SUCLG2: variants seen among roughly 807,000 people sequenced by gnomAD.
SUCLG2 encodes the protein succinate-CoA ligase GDP-forming subunit beta, also known as succinate--CoA ligase [GDP-forming] subunit beta, mitochondrial.
A neutral mutation model predicts 47.9 loss-of-function variants in SUCLG2; 42 were observed. The ratio of observed to expected loss-of-function variants is 0.88; its 90% CI spans 0.69 to 1.14. The LOEUF is 1.14. Ranked by LOEUF, SUCLG2 falls within the 50% of genes most tolerant of loss-of-function variation. The pLI, the probability that SUCLG2 is intolerant of heterozygous loss-of-function variation, is 0.00. For synonymous variants in SUCLG2, 195 were observed against 197.3 expected (o/e 0.99, Z 0.10); for missense variants, 571 against 525.9 (o/e 1.09, Z -0.84).
intron 10 of SUCLG2, among the ~76,000 whole-genome samples, chr3:67,379,523 G>A (rs550594138): frequency 6.6e-6 from 1 of 152,234 alleles, no homozygotes; most frequent in Admixed American, 6.5e-5. Flanking sequence ...TTAATTTTTT[G>A]AGATAACTTT....
intron 9 of SUCLG2, among the ~76,000 whole-genome samples, chr3:67,420,579 C>G (rs541705223): frequency 6.6e-5 from 10 of 152,284 alleles, no homozygotes; most frequent in African/African-American, 2.4e-4. Flanking sequence ...AAACTATGTT[C>G]TTTCTCTGTT....
At chr3:67,381,553 T>A (rs1033782540) in intron 10 of SUCLG2, among the ~76,000 whole-genome samples, 18 of 152,204 alleles carry the variant, frequency 1.2e-4, no homozygotes, top group African/African-American at 3.6e-4. Flanking sequence ...GCTACTGACA[T>A]GTTCTAATAT....
intron 9 of SUCLG2, among the ~76,000 whole-genome samples, chr3:67,489,594 A>T (rs1377977671): frequency 6.6e-6 from 1 of 152,246 alleles, no homozygotes; most frequent in African/African-American, 2.4e-5. Flanking sequence ...GTCATTTCAA[A>T]AATAATGCTT....
At chr3:67,428,975 T>C (rs939691707) in intron 9 of SUCLG2, among the ~76,000 whole-genome samples, 3 of 152,156 alleles carry the variant, frequency 2.0e-5, no homozygotes, top group Non-Finnish European at 4.4e-5. Context: ...CTATGTCTGA[T>C]TGGTGTACCT....
intron 10 of SUCLG2, among the ~76,000 whole-genome samples, chr3:67,382,169 T>C (rs189405426): frequency 1.3e-5 from 2 of 152,226 alleles, no homozygotes; most frequent in South Asian, 4.1e-4. Flanking sequence ...GTTTGTTGGA[T>C]ACATGAGTTA....
At chr3:67,365,429 A>T (rs1701861234) in intron 10 of SUCLG2, among the ~76,000 whole-genome samples, 1 of 152,252 alleles carries the variant, frequency 6.6e-6, no homozygotes, top group African/African-American at 2.4e-5. Context: ...CTCAGAGACC[A>T]TCAGTGATGC....
chr3:67,593,574 A>G (rs1190006669), intron 2 of SUCLG2, among the ~76,000 whole-genome samples: 1 of 152,176 alleles, frequency 6.6e-6, no homozygotes, highest in Non-Finnish European at 1.5e-5. Context: ...CATTCACACC[A>G]CCATCTTCTC....
At chr3:67,457,908 T>C (rs1704230872) in intron 9 of SUCLG2, among the ~76,000 whole-genome samples, 1 of 152,154 alleles carries the variant, frequency 6.6e-6, no homozygotes, top group Admixed American at 6.5e-5. Context: ...GGATCCTGGC[T>C]GAGTCTGTGA....
At chr3:67,649,964 T>C (rs1164778127) in intron 1 of SUCLG2, among the ~76,000 whole-genome samples, 1 of 152,192 alleles carries the variant, frequency 6.6e-6, no homozygotes, top group Non-Finnish European at 1.5e-5. Flanking sequence ...ACTGTGGGTC[T>C]GTGCACTCAA....
chr3:67,478,478 A>G (rs1302817409), intron 9 of SUCLG2, among the ~76,000 whole-genome samples: 1 of 152,258 alleles, frequency 6.6e-6, no homozygotes, highest in Non-Finnish European at 1.5e-5. Context: ...GGATAATTGA[A>G]TATTAAACAA....
intron 9 of SUCLG2, among the ~76,000 whole-genome samples, chr3:67,414,358 G>C (rs901707254): frequency 6.6e-6 from 1 of 152,220 alleles, no homozygotes; most frequent in Admixed American, 6.5e-5. Flanking sequence ...TGTTTTTATA[G>C]ATGTATCGAG....
intron 10 of SUCLG2, among the ~76,000 whole-genome samples, chr3:67,367,685 T>C (rs1299718122): frequency 6.6e-6 from 1 of 152,194 alleles, no homozygotes; most frequent in Non-Finnish European, 1.5e-5. Context: ...GTCTCCAGTT[T>C]CAACAAAGAG....
chr3:67,578,381 G>A (rs1488076407), intron 2 of SUCLG2, among the ~76,000 whole-genome samples: 3 of 151,520 alleles, frequency 2.0e-5, no homozygotes, highest in African/African-American at 7.3e-5. Context: ...GTAAGCTGGT[G>A]CCTGCTGGAA....
chr3:67,432,249 T>C (rs1703502959), intron 9 of SUCLG2, among the ~76,000 whole-genome samples: 1 of 152,214 alleles, frequency 6.6e-6, no homozygotes, highest in Non-Finnish European at 1.5e-5. Flanking sequence ...TTTATTAAAC[T>C]TGTTTCAGTA....
At chr3:67,399,389 G>T (rs188043009) in intron 10 of SUCLG2, among the ~76,000 whole-genome samples, 531 of 152,222 alleles carry the variant, frequency 3.5e-3, no homozygotes, top group African/African-American at 0.012. Flanking sequence ...TTGGAATAAA[G>T]ACTGACACAC....
At chr3:67,644,631 G>T (rs1004814528) in intron 1 of SUCLG2, among the ~76,000 whole-genome samples, 1 of 151,474 alleles carries the variant, frequency 6.6e-6, no homozygotes, top group African/African-American at 2.4e-5. Flanking sequence ...TGATAAAAAT[G>T]GCAAAAATGG....
chr3:67,648,454 C>G (rs1308111578), intron 1 of SUCLG2, among the ~76,000 whole-genome samples: 1 of 152,160 alleles, frequency 6.6e-6, no homozygotes, highest in African/African-American at 2.4e-5. Context: ...CCTAGTTCAG[C>G]CCAACTAGGA....
chr3:67,636,332 A>T (rs988278130), intron 1 of SUCLG2, among the ~76,000 whole-genome samples: 4 of 152,094 alleles, frequency 2.6e-5, no homozygotes, highest in African/African-American at 4.8e-5. Context: ...GAGGTAGGAA[A>T]ATGGACACCA....
At chr3:67,651,527 C>A (rs1160361991) in intron 1 of SUCLG2, among the ~76,000 whole-genome samples, 1 of 152,160 alleles carries the variant, frequency 6.6e-6, no homozygotes, top group African/African-American at 2.4e-5. Flanking sequence ...TATGTGTATG[C>A]CTACATATAA....
Sources: allele counts gnomAD v4.1 joint callset (sites outside exome capture counted in the v4.1 genomes callset), GRCh38; gene constraint gnomAD v4.1.1; transcripts MANE v1.5; gene names NCBI Gene and HGNC (gene_info 2026-07-23, HGNC 2026-07-21).